YES1: variants seen among roughly 807,000 people sequenced by gnomAD.
The protein encoded by YES1 is tyrosine-protein kinase Yes.
In YES1, 39 loss-of-function variants were observed where a neutral mutation model predicts 70.4. The ratio of observed to expected loss-of-function variants is 0.55; its 90% CI spans 0.43 to 0.72. YES1 has a LOEUF of 0.72. Ranked by LOEUF, YES1 falls within the 30% of genes least tolerant of loss-of-function variation. The pLI is 0.00. For synonymous variants in YES1, 198 were observed against 218.6 expected (o/e 0.91, Z 0.83); for missense variants, 495 against 644.8 (o/e 0.77, Z 2.52).
chr18:726,927 T>A (rs1184033472), intron 11 of YES1, among the ~76,000 whole-genome samples: 1 of 152,086 alleles, frequency 6.6e-6, no homozygotes, highest in Non-Finnish European at 1.5e-5. Context: ...CAGGCGCTGT[T>A]GCTTTGAAAT....
At chr18:790,633 G>A (rs757787317) in intron 1 of YES1, among the ~76,000 whole-genome samples, 2 of 152,074 alleles carry the variant, frequency 1.3e-5, no homozygotes, top group Non-Finnish European at 2.9e-5. Flanking sequence ...AAAAGAAAGT[G>A]ATAACTTTGT....
intron 1 of YES1, among the ~76,000 whole-genome samples, chr18:805,310 AT>A (rs1019849031): frequency 1.3e-5 from 2 of 152,230 alleles, no homozygotes; most frequent in Non-Finnish European, 2.9e-5. Flanking sequence ...GTATTTGTGT[AT>A]TTAAACATAA....
intron 1 of YES1, among the ~76,000 whole-genome samples, chr18:796,359 G>A (rs1285297379): frequency 1.3e-5 from 2 of 152,170 alleles, no homozygotes; most frequent in Admixed American, 1.3e-4. Flanking sequence ...AAATGAGTTA[G>A]CTAAATATGT....
At chr18:731,937 A>C (rs866184836) in intron 11 of YES1, among the ~76,000 whole-genome samples, 3 of 136,282 alleles carry the variant, frequency 2.2e-5, no homozygotes, top group Middle Eastern at 4.2e-3. Context: ...ACTGCACTCC[A>C]GCCTGGGCGA....
intron 1 of YES1, among the ~76,000 whole-genome samples, chr18:778,145 T>C (rs1905478295): frequency 6.6e-6 from 1 of 152,184 alleles, no homozygotes. Flanking sequence ...GAAACTGAAA[T>C]GGAGAGAGGT....
At chr18:799,554 A>C (rs1906712434) in intron 1 of YES1, among the ~76,000 whole-genome samples, 1 of 152,090 alleles carries the variant, frequency 6.6e-6, no homozygotes, top group Admixed American at 6.6e-5. Flanking sequence ...TACTAAAAAT[A>C]CAAAAAGTAG....
intron 1 of YES1, among the ~76,000 whole-genome samples, chr18:801,542 C>T (rs1306084124): frequency 6.6e-6 from 1 of 152,088 alleles, no homozygotes; most frequent in Non-Finnish European, 1.5e-5. Flanking sequence ...TTTAACTGAA[C>T]CATCAGGCAA....
At chr18:810,493 T>C (rs1189746792) in intron 1 of YES1, among the ~76,000 whole-genome samples, 1 of 152,238 alleles carries the variant, frequency 6.6e-6, no homozygotes, top group East Asian at 1.9e-4. Flanking sequence ...TTGTGGTTTA[T>C]GAAGTCAGCA....
At chr18:806,803 G>C (rs1178038744) in intron 1 of YES1, among the ~76,000 whole-genome samples, 1 of 152,208 alleles carries the variant, frequency 6.6e-6, no homozygotes, top group African/African-American at 2.4e-5. Context: ...CTGTTCAAAT[G>C]CATGGTCTAA....
chr18:790,155 C>T (rs1462440791), intron 1 of YES1, among the ~76,000 whole-genome samples: 1 of 152,184 alleles, frequency 6.6e-6, no homozygotes, highest in African/African-American at 2.4e-5. Flanking sequence ...GTGGGCGGAT[C>T]ACCTGAGGTC....
chr18:728,461 CG>C (rs758752228), intron 11 of YES1, among the ~76,000 whole-genome samples: 51 of 152,168 alleles, frequency 3.4e-4, no homozygotes, highest in Admixed American at 2.2e-3. Flanking sequence ...CACATGAGGA[CG>C]GGTGTGGAAT....
At chr18:773,026 G>T (rs1029718809) in intron 1 of YES1, among the ~76,000 whole-genome samples, 1 of 152,188 alleles carries the variant, frequency 6.6e-6, no homozygotes, top group Admixed American at 6.5e-5. Context: ...CTGTGGACTA[G>T]AAGGTACTAT....
chr18:731,484 T>C (rs2080086559), intron 11 of YES1, among the ~76,000 whole-genome samples: 1 of 152,176 alleles, frequency 6.6e-6, no homozygotes, highest in Non-Finnish European at 1.5e-5. Flanking sequence ...AAGAGGAATA[T>C]GTTAGATAAC....
At position 773,062 on chromosome 18, in the gene YES1, T is replaced by C. The variant is rs148650757; in HGVS notation, c.-8-16227A>G. On this transcript the variant is annotated intron_variant, in intron 1 of 11. Transcript: ENST00000314574. ...GATGACTGGCCTCTTTAGCACAATC[T>C]CTTCTTAACATAAGGTCTCCTAGAT... Among the ~76,000 whole-genome samples, 216 of 152,344 alleles carry C rather than the reference T, an allele frequency of 1.4e-3. 2 individuals carry two copies. The East Asian group carries it at 0.038, about 27-fold the overall frequency.
At chr18:788,400 A>G (rs994378012) in intron 1 of YES1, among the ~76,000 whole-genome samples, 4 of 152,182 alleles carry the variant, frequency 2.6e-5, no homozygotes, top group Admixed American at 1.3e-4. Context: ...TTCTGGCTAC[A>G]CTATTTCAAC....
intron 11 of YES1, among the ~76,000 whole-genome samples, chr18:732,457 AC>A (rs142142690): frequency 0.1 from 12,740 of 127,772 alleles, 962 homozygotes; most frequent in African/African-American, 0.15. Context: ...AAAAAAAAAA[AC>A]AAAACACCAA....
intron 4 of YES1, 39 bp from the exon 5 acceptor site, chr18:746,090 G>A (rs2080278357): frequency 6.7e-7 from 1 of 1,495,196 alleles, no homozygotes. Flanking sequence ...AAAAGTATGA[G>A]GTTCAGAAAA....
intron 6 of YES1, among the ~76,000 whole-genome samples, chr18:744,624 A>G (rs2080256519): frequency 6.7e-6 from 1 of 149,878 alleles, no homozygotes; most frequent in Non-Finnish European, 1.5e-5. Flanking sequence ...TCCTGACCTC[A>G]AGTGATCTGT....
Position 757,272 on chromosome 18 carries a change from G to A in YES1, c.-8-437C>T, listed in dbSNP as rs561262141. Reference sequence around the variant, plus strand: ...TAATCCCAGCACTTTGGGAGGCCAAGGCGGGCGGATCACGAGGTCAGGAGA... The same window carrying A: ...TAATCCCAGCACTTTGGGAGGCCAAAGCGGGCGGATCACGAGGTCAGGAGA... On this transcript the variant is annotated intron_variant, in intron 1 of 11. Transcript: ENST00000314574. 9.9e-5 allele frequency among the ~76,000 whole-genome samples: 15 copies of A among 152,278 alleles called. No homozygotes were observed. In the East Asian group the frequency reaches 1.7e-3, roughly 18 times the overall value.
Sources: gnomAD v4.1 joint callset for allele counts (sites outside exome capture counted in the v4.1 genomes callset) on GRCh38, gnomAD v4.1.1 for gene constraint, MANE v1.5 for transcripts, NCBI Gene and HGNC (gene_info 2026-07-23, HGNC 2026-07-21) for gene names.